Variants in CDH12 observed in about 807,000 individuals in gnomAD.
CDH12 encodes cadherin 12, also known as cadherin-12.
In CDH12, 41 loss-of-function variants were observed where a neutral mutation model predicts 74.1. The ratio of observed to expected loss-of-function variants is 0.55; its 90% CI spans 0.43 to 0.72. The LOEUF is 0.72. CDH12 is among the 30% of genes least tolerant of loss of function. The probability of loss-of-function intolerance (pLI) is 0.00; values close to 1 mark genes in which losing one functional copy is unlikely to be tolerated. For synonymous variants in CDH12, 399 were observed against 355.0 expected (o/e 1.12, Z -1.39); for missense variants, 945 against 977.2 (o/e 0.97, Z 0.44).
At chr5:22,061,894 T>C (rs1741213564) in intron 5 of CDH12, among the ~76,000 whole-genome samples, 5 of 152,144 alleles carry the variant, frequency 3.3e-5, no homozygotes, top group Admixed American at 2.6e-4. Context: ...ACGTGGCTAA[T>C]GATTATGAGA....
intron 3 of CDH12, among the ~76,000 whole-genome samples, chr5:22,244,141 A>G (rs986356783): frequency 1.3e-5 from 2 of 152,104 alleles, no homozygotes; most frequent in Admixed American, 6.6e-5. Flanking sequence ...TTTAGTGGGA[A>G]GAGACAATTA....
At position 22,847,028 on chromosome 5, in the gene CDH12, A is replaced by C. The variant is rs567763150; in HGVS notation, c.-523+6030T>G. 5.1e-4 allele frequency among the ~76,000 whole-genome samples: 78 copies of C among 152,320 alleles called. 2 individuals are homozygous for C. Among genetic ancestry groups the C allele is most frequent in the South Asian group, 4.1e-4 (2 of 4,822 alleles). On this transcript the variant is annotated intron_variant, in intron 1 of 14. Coordinates refer to ENST00000382254, the MANE Select transcript of CDH12 (RefSeq NM_004061.5). ...TGTGTTAGGTTATTGACACGACTACAATTCATTCCAATTCCATTCTCAACA... is the reference window on the plus strand; with the variant it reads ...TGTGTTAGGTTATTGACACGACTACCATTCATTCCAATTCCATTCTCAACA...
At chr5:22,820,612 G>A (rs1260512375) in intron 1 of CDH12, among the ~76,000 whole-genome samples, 3 of 152,054 alleles carry the variant, frequency 2.0e-5, no homozygotes, top group Non-Finnish European at 4.4e-5. Context: ...ACACCTCTAC[G>A]CAAATAAACT....
At chr5:22,370,730 C>A (rs1021229667) in intron 3 of CDH12, among the ~76,000 whole-genome samples, 3 of 152,030 alleles carry the variant, frequency 2.0e-5, no homozygotes, top group African/African-American at 7.2e-5. Context: ...CCTTGGTATG[C>A]TTGAGAAAAC....
intron 2 of CDH12, among the ~76,000 whole-genome samples, chr5:22,443,836 C>T (rs1220319173): frequency 6.6e-6 from 1 of 151,964 alleles, no homozygotes; most frequent in Non-Finnish European, 1.5e-5. Flanking sequence ...CTTTTTCTTA[C>T]AACATATATT....
intron 4 of CDH12, among the ~76,000 whole-genome samples, chr5:22,114,375 T>C (rs903138752): frequency 1.3e-5 from 2 of 152,208 alleles, no homozygotes; most frequent in African/African-American, 2.4e-5. Context: ...TAGTCTTTAC[T>C]CTGGGCATAT....
chr5:22,417,076 C>G (rs1360942615), intron 2 of CDH12, among the ~76,000 whole-genome samples: 1 of 152,096 alleles, frequency 6.6e-6, no homozygotes, highest in African/African-American at 2.4e-5. Flanking sequence ...TCTTTTATCT[C>G]TCTTATTTAC....
rs75766907 is a variant in CDH12, at chr5:22,722,229, C to A, written c.-523+130829G>T. On this transcript the variant is annotated intron_variant, in intron 1 of 14. Transcript: ENST00000382254. ...TTATGCAACCCTATACCCCAAGCAG[C>A]AAGCATATTGCCTGGCATGCAGTCA... is the stretch of plus-strand genomic sequence containing the variant. 6.6e-4 allele frequency among the ~76,000 whole-genome samples: 101 copies of A among 152,318 alleles called. 2 individuals carry two copies. The East Asian group carries it at 0.019, about 29-fold the overall frequency.
chr5:22,507,860 G>T (rs896259018), intron 1 of CDH12, among the ~76,000 whole-genome samples: 1 of 152,150 alleles, frequency 6.6e-6, no homozygotes, highest in Non-Finnish European at 1.5e-5. Flanking sequence ...CCTTCAGAGG[G>T]TCTAGGGGAA....
intron 4 of CDH12, among the ~76,000 whole-genome samples, chr5:22,174,233 A>G (rs1749205704): frequency 6.6e-6 from 1 of 151,954 alleles, no homozygotes. Flanking sequence ...TACACTAAAC[A>G]CATGCTTAAA....
At chr5:22,773,839 G>T (rs78682237) in intron 1 of CDH12, among the ~76,000 whole-genome samples, 1,845 of 151,980 alleles carry the variant, frequency 0.012, 41 homozygotes, top group African/African-American at 0.042. Context: ...AAAAGACATG[G>T]ACACTTCTTG....
At chr5:22,585,630 A>G (rs1025426453) in intron 1 of CDH12, among the ~76,000 whole-genome samples, 4 of 152,008 alleles carry the variant, frequency 2.6e-5, no homozygotes, top group Non-Finnish European at 4.4e-5. Flanking sequence ...CATTTTTGAT[A>G]CTTTCTTCTG....
chr5:22,823,004 C>T (rs1228594843), intron 1 of CDH12, among the ~76,000 whole-genome samples: 2 of 151,970 alleles, frequency 1.3e-5, no homozygotes, highest in Non-Finnish European at 2.9e-5. Context: ...CAAGGATAGA[C>T]TGGATTAAGA....
intron 6 of CDH12, among the ~76,000 whole-genome samples, chr5:21,861,079 G>A (rs555273695): frequency 7.3e-4 from 111 of 152,122 alleles, no homozygotes; most frequent in African/African-American, 2.6e-3. Flanking sequence ...GGAAACCTCA[G>A]GAATATCAGA....
chr5:21,940,841 T>TTCTC (rs4028788), intron 6 of CDH12, among the ~76,000 whole-genome samples: 1 of 150,964 alleles, frequency 6.6e-6, no homozygotes, highest in Non-Finnish European at 1.5e-5. Context: ...TTCTCTCTGT[T>TTCTC]TCTCTCTCTC....
chr5:22,793,240 G>T (rs1244638788), intron 1 of CDH12, among the ~76,000 whole-genome samples: 3 of 151,968 alleles, frequency 2.0e-5, no homozygotes, highest in Non-Finnish European at 4.4e-5. Context: ...TTAGATTTGG[G>T]GTCAAAACCT....
At chr5:21,816,819 T>G (rs939049921) in intron 9 of CDH12, 126 bp downstream of exon 9, 12 of 569,464 alleles carry the variant, frequency 2.1e-5, no homozygotes, top group African/African-American at 3.9e-5. Flanking sequence ...AACTCTCACA[T>G]GGTTCAAGGG....
chr5:22,643,455 T>G (rs1449456922), intron 1 of CDH12, among the ~76,000 whole-genome samples: 1 of 152,170 alleles, frequency 6.6e-6, no homozygotes, highest in East Asian at 1.9e-4. Context: ...TTAAATCTAT[T>G]CTAGCCTCTT....
At chr5:22,172,396 A>G (rs1315327287) in intron 4 of CDH12, 1 of 151,776 alleles carries the variant, frequency 6.6e-6, no homozygotes, top group Non-Finnish European at 1.5e-5. Flanking sequence ...CTACCAATTG[A>G]CACACATCAG....
Sources: gnomAD v4.1 joint callset for allele counts (sites outside exome capture counted in the v4.1 genomes callset) on GRCh38, gnomAD v4.1.1 for gene constraint, MANE v1.5 for transcripts, NCBI Gene and HGNC (gene_info 2026-07-23, HGNC 2026-07-21) for gene names.